The following TPTE2 variants were observed in gnomAD, a reference collection of about 807,000 sequenced individuals.
The protein encoded by TPTE2 is phosphatidylinositol 3,4,5-trisphosphate 3-phosphatase TPTE2.
TPTE2 carries 53 observed loss-of-function variants against 78.6 expected under a neutral mutation model. That is an observed-to-expected ratio of 0.67 (90% CI 0.54 to 0.85). TPTE2 has a LOEUF of 0.85. Ranked by LOEUF, TPTE2 falls within the 40% of genes least tolerant of loss-of-function variation. The pLI is 0.00. For synonymous variants in TPTE2, 175 were observed against 206.2 expected (o/e 0.85, Z 1.30); for missense variants, 461 against 623.0 (o/e 0.74, Z 2.77).
At chr13:19,472,775 A>C (rs1267421823) in intron 6 of TPTE2, among the ~76,000 whole-genome samples, 6 of 152,240 alleles carry the variant, frequency 3.9e-5, no homozygotes, top group Non-Finnish European at 7.4e-5. Flanking sequence ...TGTAGTTTTC[A>C]CTGCATTTAT....
At chr13:19,467,188 G>T (rs185409838) in intron 7 of TPTE2, 37 bp downstream of exon 10, 50,601 of 1,528,570 alleles carry the variant, frequency 0.033, 989 homozygotes, top group Middle Eastern at 0.042. Flanking sequence ...TAAAAGTAAT[G>T]AAAAACTTTA....
At chr13:19,491,687 T>C (rs112355311) in intron 3 of TPTE2, among the ~76,000 whole-genome samples, 3,890 of 151,984 alleles carry the variant, frequency 0.026, 69 homozygotes, top group Middle Eastern at 0.051. Flanking sequence ...TAGACGGGCA[T>C]GGTGGCACAT....
chr13:19,433,896 T>C (rs1186226231), intron 15 of TPTE2, among the ~76,000 whole-genome samples: 3 of 152,176 alleles, frequency 2.0e-5, no homozygotes, highest in African/African-American at 7.2e-5. Context: ...GAAATGGGGA[T>C]GGGGAGATGT....
At position 19,425,025 on chromosome 13, in the gene TPTE2, GA is replaced by G. The variant is rs746900277; in HGVS notation, c.1396-9del. The G allele has an allele frequency of 2.1e-5, 31 of 1,471,166 alleles. No individual in the cohort carries two copies. The highest frequency in any genetic ancestry group is 1.8e-4 in the Middle Eastern group (1 of 5,616). 91.1% of individuals were successfully genotyped at this position (1,471,166 alleles called of 1,614,324 possible). A position where few individuals can be genotyped will look rare whatever the true frequency, so the allele number is the denominator to read the frequency against. ...ATAGTATTTAGGAAGATTCTAAAAAGAAAAAAAATTTCAAAGTAAAACTGAC... is the reference window on the plus strand; with the variant it reads ...ATAGTATTTAGGAAGATTCTAAAAAGAAAAAAATTTCAAAGTAAAACTGAC... On this transcript the variant is annotated splice_polypyrimidine_tract_variant and intron_variant, in intron 18 of 19. Coordinates refer to ENST00000400230, the Ensembl canonical transcript of TPTE2.
chr13:19,488,783 T>C (rs1880808830), intron 3 of TPTE2, among the ~76,000 whole-genome samples: 1 of 152,264 alleles, frequency 6.6e-6, no homozygotes, highest in Non-Finnish European at 1.5e-5. Context: ...TCATCATTTG[T>C]ATGTTCAGTG....
intron 1 of TPTE2, among the ~76,000 whole-genome samples, chr13:19,530,458 T>A (rs1288189839): frequency 6.6e-6 from 1 of 152,230 alleles, no homozygotes; most frequent in African/African-American, 2.4e-5. Context: ...TTTTTGGGGA[T>A]AATATGTGCT....
chr13:19,485,998 C>G (rs1880641821), intron 3 of TPTE2, among the ~76,000 whole-genome samples: 1 of 151,900 alleles, frequency 6.6e-6, no homozygotes, highest in African/African-American at 2.4e-5. Context: ...ATTCTTTTTT[C>G]TGTCATCTCT....
intron 1 of TPTE2, among the ~76,000 whole-genome samples, chr13:19,514,273 A>G (rs550324933): frequency 6.6e-6 from 1 of 152,156 alleles, no homozygotes; most frequent in Non-Finnish European, 1.5e-5. Flanking sequence ...ACTCTGGTTC[A>G]AAAACAATGT....
intron 10 of TPTE2, among the ~76,000 whole-genome samples, chr13:19,454,412 A>G (rs1878405192): frequency 6.6e-6 from 1 of 152,198 alleles, no homozygotes; most frequent in Admixed American, 6.5e-5. Flanking sequence ...CCAGTGCAGG[A>G]CATGCTGTTA....
chr13:19,445,548 G>A (rs1877771282), intron 13 of TPTE2, among the ~76,000 whole-genome samples: 2 of 152,202 alleles, frequency 1.3e-5, no homozygotes, highest in Non-Finnish European at 2.9e-5. Flanking sequence ...ATCAAGTAAA[G>A]TTCAAGATTC....
intron 15 of TPTE2, 59 bp from the exon 19 acceptor site, chr13:19,432,637 C>CT (rs71092355): frequency 1.4e-4 from 94 of 672,412 alleles, no homozygotes; most frequent in African/African-American, 6.4e-4. Context: ...GTCAGCATTC[C>CT]TTTTTTTTTT....
intron 10 of TPTE2, 75 bp downstream of exon 13, chr13:19,464,381 G>T (rs1879126336): frequency 3.7e-6 from 5 of 1,355,284 alleles, no homozygotes; most frequent in Non-Finnish European, 5.2e-6. Context: ...TGCCATATCT[G>T]GGTCAATATT....
the TPTE2 span, chr13:19,560,357 G>A: frequency 1.0e-5 from 16 of 1,600,320 alleles, no homozygotes; most frequent in South Asian, 1.3e-4. Context: ...ACCAGTTGCA[G>A]CAGGGCAGCC....
intron 17 of TPTE2, 129 bp downstream of exon 20, chr13:19,430,339 T>G (rs1876468585): frequency 2.8e-6 from 2 of 707,484 alleles, no homozygotes; most frequent in African/African-American, 1.9e-5. Context: ...CACCAAGTTG[T>G]ATGGTAACCA....
intron 1 of TPTE2, among the ~76,000 whole-genome samples, chr13:19,497,535 G>T (rs1250865931): frequency 1.3e-5 from 1 of 76,722 alleles, no homozygotes; most frequent in African/African-American, 3.2e-5. Context: ...CCCCAGCAGG[G>T]GCACACTGAC....
chr13:19,430,350 G>A, intron 17 of TPTE2, 118 bp downstream of exon 20: 1 of 759,074 alleles, frequency 1.3e-6, no homozygotes, highest in Non-Finnish European at 2.2e-6. Context: ...ATGGTAACCA[G>A]AAAGCGTTAT....
intron 1 of TPTE2, among the ~76,000 whole-genome samples, chr13:19,498,055 G>A (rs1160407549): frequency 2.0e-5 from 3 of 150,818 alleles, no homozygotes; most frequent in African/African-American, 7.3e-5. Flanking sequence ...TATCAGCAAT[G>A]GAAGATGAAA....
chr13:19,543,856 A>G, the TPTE2 span, among the ~76,000 whole-genome samples: 3 of 151,946 alleles, frequency 2.0e-5, no homozygotes, highest in African/African-American at 7.2e-5. Context: ...TGAGCCCAGG[A>G]GTTCAAGACC....
At chr13:19,529,599 T>C (rs752374587) in intron 1 of TPTE2, among the ~76,000 whole-genome samples, 2 of 152,202 alleles carry the variant, frequency 1.3e-5, no homozygotes, top group Non-Finnish European at 2.9e-5. Flanking sequence ...CATTTTTCAG[T>C]AGCAGATATG....
Sources: gnomAD v4.1 joint callset for allele counts (sites outside exome capture counted in the v4.1 genomes callset) on GRCh38, gnomAD v4.1.1 for gene constraint, MANE v1.5 for transcripts, NCBI Gene and HGNC (gene_info 2026-07-23, HGNC 2026-07-21) for gene names.